Variants in PGCKA1 observed in about 807,000 individuals in gnomAD.
The protein encoded by PGCKA1 is PDCD10 and GCKIII kinases associated 1.
chr4:37,564,279 A>C, the PGCKA1 span, among the ~76,000 whole-genome samples: 3 of 134,860 alleles, frequency 2.2e-5, no homozygotes, highest in South Asian at 2.8e-4. Context: ...TGTCTCAAAA[A>C]AAAAAAAAAA....
At chr4:37,590,107 C>A in the PGCKA1 span, 1 of 1,613,202 alleles carries the variant, frequency 6.2e-7, no homozygotes, top group Non-Finnish European at 8.5e-7. Flanking sequence ...TGATCCAGTT[C>A]AAGTGCCCTC....
At chr4:37,592,589 G>A in the PGCKA1 span, among the ~76,000 whole-genome samples, 1,843 of 152,286 alleles carry the variant, frequency 0.012, 23 homozygotes, top group South Asian at 0.037. Context: ...CATTAAGGAT[G>A]CTCAAAACTA....
the PGCKA1 span, among the ~76,000 whole-genome samples, chr4:37,509,386 CCTCACAT>C: frequency 2.2e-5 from 3 of 138,444 alleles, 1 homozygote; most frequent in Non-Finnish European, 4.7e-5. Context: ...CAGAGGCGTT[CCTCACAT>C]CCCAGACGGG....
the PGCKA1 span, among the ~76,000 whole-genome samples, chr4:37,555,368 T>A: frequency 6.6e-6 from 1 of 152,204 alleles, no homozygotes; most frequent in South Asian, 2.1e-4. Context: ...AAGAATTATG[T>A]GACGTTATCA....
chr4:37,547,508 G>C, the PGCKA1 span, among the ~76,000 whole-genome samples: 1 of 152,192 alleles, frequency 6.6e-6, no homozygotes, highest in African/African-American at 2.4e-5. Context: ...GGAGATTATA[G>C]TGTTACATGA....
the PGCKA1 span, among the ~76,000 whole-genome samples, chr4:37,466,317 A>G: frequency 2.6e-5 from 4 of 152,196 alleles, 1 homozygote; most frequent in Admixed American, 1.3e-4. Context: ...TCATTTCTGA[A>G]TATATATTCC....
chr4:37,526,990 G>T, the PGCKA1 span, among the ~76,000 whole-genome samples: 1 of 152,104 alleles, frequency 6.6e-6, no homozygotes, highest in Admixed American at 6.5e-5. Flanking sequence ...CTTCCAATAG[G>T]ACAAGATGTG....
At chr4:37,460,018 G>A in the PGCKA1 span, among the ~76,000 whole-genome samples, 13 of 152,010 alleles carry the variant, frequency 8.6e-5, no homozygotes, top group Admixed American at 6.6e-4. Context: ...CCCGGTGTGT[G>A]TTGTTCCCCT....
chr4:37,532,866 T>C, the PGCKA1 span, among the ~76,000 whole-genome samples: 1 of 144,194 alleles, frequency 6.9e-6, no homozygotes, highest in Non-Finnish European at 1.5e-5. Flanking sequence ...GAAGATAAGC[T>C]TCTATGAAAT....
the PGCKA1 span, among the ~76,000 whole-genome samples, chr4:37,505,429 C>T: frequency 6.6e-6 from 1 of 152,034 alleles, no homozygotes. Context: ...CAGAGTAATA[C>T]TGGCCTTGTA....
chr4:37,497,990 T>C, the PGCKA1 span, among the ~76,000 whole-genome samples: 330 of 152,194 alleles, frequency 2.2e-3, no homozygotes, highest in Middle Eastern at 6.8e-3. Context: ...GTCTAGACAT[T>C]GTCTAGACAA....
At chr4:37,458,021 T>A in the PGCKA1 span, among the ~76,000 whole-genome samples, 1 of 152,202 alleles carries the variant, frequency 6.6e-6, no homozygotes, top group South Asian at 2.1e-4. Flanking sequence ...CAAAACTATC[T>A]GTTAGAAAGG....
the PGCKA1 span, among the ~76,000 whole-genome samples, chr4:37,523,206 T>C: frequency 2.0e-5 from 3 of 152,170 alleles, no homozygotes; most frequent in Admixed American, 6.5e-5. Flanking sequence ...AAATGCTCCC[T>C]CTGTGGGTAA....
the PGCKA1 span, among the ~76,000 whole-genome samples, chr4:37,573,828 C>G: frequency 6.6e-6 from 1 of 152,218 alleles, no homozygotes; most frequent in Non-Finnish European, 1.5e-5. Flanking sequence ...CTTTCAACAT[C>G]TCCTACCAGT....
chr4:37,540,930 C>A, the PGCKA1 span, among the ~76,000 whole-genome samples: 1 of 149,320 alleles, frequency 6.7e-6, no homozygotes, highest in Non-Finnish European at 1.5e-5. Flanking sequence ...TTTAACTCCA[C>A]TTGGAAAAAA....
chr4:37,510,012 A>ATCC, the PGCKA1 span, among the ~76,000 whole-genome samples: 2 of 151,486 alleles, frequency 1.3e-5, no homozygotes, highest in Non-Finnish European at 2.9e-5. Flanking sequence ...GGAGAGGGAG[A>ATCC]GGGAGAGGGG....
At chr4:37,474,788 C>T in the PGCKA1 span, among the ~76,000 whole-genome samples, 1 of 152,114 alleles carries the variant, frequency 6.6e-6, no homozygotes, top group Non-Finnish European at 1.5e-5. Context: ...ACTCCAGAAC[C>T]TCTTCAGTGT....
At chr4:37,511,632 C>G in the PGCKA1 span, among the ~76,000 whole-genome samples, 2 of 152,104 alleles carry the variant, frequency 1.3e-5, no homozygotes, top group Non-Finnish European at 2.9e-5. Flanking sequence ...AATCAAGGGT[C>G]TCTTTTGAAG....
At chr4:37,588,596 C>T in the PGCKA1 span, 1 of 441,848 alleles carries the variant, frequency 2.3e-6, no homozygotes, top group South Asian at 3.4e-5. Flanking sequence ...AAACACATAA[C>T]CCCAGGGTTG....
Sources: allele counts gnomAD v4.1 joint callset (sites outside exome capture counted in the v4.1 genomes callset), GRCh38; gene constraint gnomAD v4.1.1; transcripts MANE v1.5; gene names NCBI Gene and HGNC (gene_info 2026-07-23, HGNC 2026-07-21).